The following EYS variants were observed in gnomAD, a reference collection of about 807,000 sequenced individuals.
EYS encodes EGF-like photoreceptor maintenance factor.
EYS carries 250 observed loss-of-function variants against 282.1 expected under a neutral mutation model. That is an observed-to-expected ratio of 0.89 (90% CI 0.80 to 0.98). The LOEUF (loss-of-function observed/expected upper bound fraction) is 0.98, where lower values mean the gene tolerates loss of function less well. EYS is among the 50% of genes least tolerant of loss of function. The probability of loss-of-function intolerance (pLI) is 0.00; values close to 1 mark genes in which losing one functional copy is unlikely to be tolerated. For missense variants in EYS, 4,016 were observed against 3,709.0 expected, an observed-to-expected ratio of 1.08 and a Z score of -2.15; for synonymous variants, 1,355 against 1,282.9, an observed-to-expected ratio of 1.06 and a Z score of -1.20.
chr6:65,675,724 T>A (rs1768563854), intron 1 of EYS, among the ~76,000 whole-genome samples: 1 of 151,860 alleles, frequency 6.6e-6, no homozygotes, highest in African/African-American at 2.4e-5. Flanking sequence ...ATAAGAGAGC[T>A]TGAACAACAC....
At position 64,498,408 on chromosome 6, in the gene EYS, G is replaced by C. The variant is rs746554371; in HGVS notation, c.5645-59056C>G. On this transcript the variant is annotated intron_variant, in intron 26 of 42. Transcript: ENST00000503581. ...ATTGATTCCTTCATGCCAAATAGTCGGTTTAGTATAAACAAGTCACATCTT... is the reference window on the plus strand; with the variant it reads ...ATTGATTCCTTCATGCCAAATAGTCCGTTTAGTATAAACAAGTCACATCTT... Among the ~76,000 whole-genome samples, 5 of 151,716 alleles carry C rather than the reference G, an allele frequency of 3.3e-5. No homozygotes were observed. In the South Asian group the frequency reaches 1.0e-3, roughly 32 times the overall value.
At chr6:65,045,506 G>A (rs997076186) in intron 13 of EYS, among the ~76,000 whole-genome samples, 1 of 151,814 alleles carries the variant, frequency 6.6e-6, no homozygotes, top group African/African-American at 2.4e-5. Context: ...TAATTTCTGA[G>A]GTGTATAAGA....
intron 19 of EYS, among the ~76,000 whole-genome samples, chr6:64,881,883 T>C (rs1416478848): frequency 6.6e-6 from 1 of 151,888 alleles, no homozygotes; most frequent in African/African-American, 2.4e-5. Context: ...AAACATTGTT[T>C]TAAGAAAAGC....
At chr6:65,018,644 T>G (rs1772138180) in intron 13 of EYS, among the ~76,000 whole-genome samples, 1 of 152,216 alleles carries the variant, frequency 6.6e-6, no homozygotes, top group Non-Finnish European at 1.5e-5. Context: ...TGTTTTGATG[T>G]GAAGGAAGCA....
intron 35 of EYS, among the ~76,000 whole-genome samples, chr6:63,879,625 C>G (rs567043785): frequency 6.6e-6 from 1 of 152,156 alleles, no homozygotes; most frequent in Non-Finnish European, 1.5e-5. Flanking sequence ...GCAATTACCA[C>G]GCATGAAATA....
rs757438849 is a variant in EYS, at chr6:65,402,452, A to G, written c.1184+26T>C. The G allele has an allele frequency of 1.1e-5, 15 of 1,414,524 alleles. No homozygotes were observed. The South Asian group carries it at 1.7e-4, about 16-fold the overall frequency. The allele number at this position is 1,414,524 out of a possible 1,614,324, so 87.6% of individuals were successfully genotyped here. On this transcript the variant is annotated intron_variant, in intron 7 of 42. Transcript: ENST00000503581. ...TTTAAAAATCCATGTACTTTGTATT[A>G]AAAATAAACAGAAAATTAATTATAC...
At chr6:63,773,427 C>G (rs1186052344) in intron 40 of EYS, among the ~76,000 whole-genome samples, 1 of 152,166 alleles carries the variant, frequency 6.6e-6, no homozygotes, top group Non-Finnish European at 1.5e-5. Flanking sequence ...ACAAGAAACT[C>G]AGCTGATTGC....
At chr6:64,552,973 A>T (rs1458702821) in intron 26 of EYS, among the ~76,000 whole-genome samples, 1 of 131,518 alleles carries the variant, frequency 7.6e-6, no homozygotes, top group Non-Finnish European at 1.6e-5. Context: ...TTCAGCTATG[A>T]CCCAGAAGTT....
chr6:64,910,628 T>C (rs1767961539), intron 16 of EYS, among the ~76,000 whole-genome samples: 1 of 151,982 alleles, frequency 6.6e-6, no homozygotes, highest in African/African-American at 2.4e-5. Flanking sequence ...AATAAAATAC[T>C]AAGGGGAAAT....
intron 22 of EYS, among the ~76,000 whole-genome samples, chr6:64,781,700 C>T (rs1208213547): frequency 6.6e-6 from 1 of 151,944 alleles, no homozygotes; most frequent in East Asian, 1.9e-4. Context: ...TGGTTGATGA[C>T]TGCTATCAAG....
At chr6:64,620,683 A>G (rs1249943521) in intron 23 of EYS, among the ~76,000 whole-genome samples, 1 of 148,860 alleles carries the variant, frequency 6.7e-6, no homozygotes, top group Non-Finnish European at 1.5e-5. Context: ...AGAAAACATA[A>G]ATCAGGCAAA....
intron 26 of EYS, among the ~76,000 whole-genome samples, chr6:64,507,143 T>C (rs1056150786): frequency 9.2e-5 from 14 of 151,870 alleles, no homozygotes; most frequent in Non-Finnish European, 1.6e-4. Context: ...TATTTGAAAA[T>C]AAATCAACCT....
At chr6:64,959,073 G>A (rs542862033) in intron 14 of EYS, among the ~76,000 whole-genome samples, 4 of 152,266 alleles carry the variant, frequency 2.6e-5, no homozygotes, top group Middle Eastern at 3.4e-3. Flanking sequence ...GAAACCAGTA[G>A]GGGTAAGATG....
intron 31 of EYS, among the ~76,000 whole-genome samples, chr6:64,083,058 G>GC (rs1772027868): frequency 6.6e-6 from 1 of 151,934 alleles, no homozygotes; most frequent in Non-Finnish European, 1.5e-5. Flanking sequence ...ACAGGTGTGT[G>GC]CCAACACGCC....
At chr6:65,353,294 C>T (rs532907249) in intron 9 of EYS, among the ~76,000 whole-genome samples, 164 bp downstream of exon 9, 8 of 151,920 alleles carry the variant, frequency 5.3e-5, no homozygotes, top group East Asian at 3.9e-4. Context: ...GTGTTAAACA[C>T]GTCAGTTAAA....
chr6:64,465,394 T>C (rs1490869589), intron 26 of EYS, among the ~76,000 whole-genome samples: 1 of 152,006 alleles, frequency 6.6e-6, no homozygotes, highest in African/African-American at 2.4e-5. Flanking sequence ...AAGACAGCAA[T>C]AGTACTGGCA....
intron 8 of EYS, among the ~76,000 whole-genome samples, chr6:65,372,041 A>G (rs1765175935): frequency 6.6e-6 from 1 of 151,272 alleles, no homozygotes; most frequent in Non-Finnish European, 1.5e-5. Context: ...TAGAAATAGA[A>G]GACAGAAATA....
intron 13 of EYS, among the ~76,000 whole-genome samples, chr6:65,055,963 A>G (rs9363328): frequency 0.07 from 10,705 of 152,046 alleles, 508 homozygotes; most frequent in East Asian, 0.14. Context: ...TCTGCTGTCC[A>G]AATTTAAGGG....
chr6:63,857,512 C>T (rs553162705), intron 36 of EYS: 1 of 245,778 alleles, frequency 4.1e-6, no homozygotes, highest in African/African-American at 2.2e-5. Flanking sequence ...GCCATAAGTA[C>T]TATTTCTCTG....
Sources: allele counts gnomAD v4.1 joint callset (sites outside exome capture counted in the v4.1 genomes callset), GRCh38; gene constraint gnomAD v4.1.1; transcripts MANE v1.5; gene names NCBI Gene and HGNC (gene_info 2026-07-23, HGNC 2026-07-21).